The following MFGE8 variants were observed in gnomAD, a reference collection of about 807,000 sequenced individuals.
The protein encoded by MFGE8 is lactadherin.
A neutral mutation model predicts 42.6 loss-of-function variants in MFGE8; 34 were observed. The ratio of observed to expected loss-of-function variants is 0.80; its 90% confidence interval spans 0.61 to 1.06. The LOEUF is 1.06. MFGE8 is among the 50% of genes least tolerant of loss of function. The probability of loss-of-function intolerance (pLI) is 0.00; values close to 1 mark genes in which losing one functional copy is unlikely to be tolerated. For synonymous variants in MFGE8, 230 were observed against 214.8 expected (o/e 1.07, Z -0.62); for missense variants, 510 against 516.9 (o/e 0.99, Z 0.13).
At chr15:88,907,143 T>C in intron 3 of MFGE8, 52 bp downstream of exon 3, 1 of 1,572,280 alleles carries the variant, frequency 6.4e-7, no homozygotes, top group South Asian at 1.2e-5. Flanking sequence ...TGCAGAAACA[T>C]TCATCGAGCC....
Position 88,906,884 on chromosome 15 carries a change from C to T in MFGE8, c.388-106G>A. On this transcript the variant is annotated intron_variant, in intron 3 of 7. Transcript: ENST00000268150. The surrounding 1 kb of genome is among the most constrained non-coding windows in gnomAD (Gnocchi z 4.2). ...TCCCCCACTGGGTGGGGGAACAACT[C>T]AAGCAAAACAGAGGAGGGGTAGCTG... 2 of 1,398,004 alleles carry T rather than the reference C, an allele frequency of 1.4e-6. No individual in the cohort carries two copies. The highest frequency in any genetic ancestry group is 2.0e-6 in the Non-Finnish European group (2 of 993,818). 86.6% of individuals were successfully genotyped at this position (1,398,004 alleles called of 1,614,324 possible).
At chr15:88,909,690 GA>G in intron 2 of MFGE8, 101 bp downstream of exon 2, 4 of 1,568,782 alleles carry the variant, frequency 2.5e-6, no homozygotes, top group Non-Finnish European at 3.5e-6. Flanking sequence ...CTGGGGTGGG[GA>G]TCACAGGCAG....
rs145239424 is a variant in MFGE8 at position 88,905,432 on chromosome 15, G to A, written c.685+325C>T. 84 of 535,576 alleles carry A rather than the reference G, an allele frequency of 1.6e-4. 1 individual carries two copies. Among genetic ancestry groups the A allele is most frequent in the African/African-American group, 1.3e-3 (68 of 53,234 alleles). The allele number at this position is 535,576 out of a possible 1,614,324, so 33.2% of individuals were successfully genotyped here. A position where few individuals can be genotyped will look rare whatever the true frequency, so the allele number is the denominator to read the frequency against. ...ACAGATTCTCTGCCCTCGTAAAGCT[G>A]ACATCTGCCAAACACACCTAACGCT... is the stretch of plus-strand genomic sequence containing the variant. On this transcript the variant is annotated intron_variant, in intron 5 of 7. Transcript: ENST00000268150. The surrounding 1 kb of genome is among the most constrained non-coding windows in gnomAD (Gnocchi z 6.6).
Position 88,899,308 on chromosome 15 carries a change from C to T in MFGE8, c.*87G>A. 1 of 1,580,494 alleles carries T rather than the reference C, an allele frequency of 6.3e-7. No individual in the cohort carries two copies. Among genetic ancestry groups the T allele is most frequent in the Non-Finnish European group, 8.6e-7 (1 of 1,161,996 alleles). On this transcript the variant is annotated 3_prime_UTR_variant, in exon 8 of 8. Coordinates refer to ENST00000268150, the MANE Select transcript of MFGE8 (RefSeq NM_005928.4). This position sits in a 1 kb window ranked among gnomAD's most constrained non-coding sequence, Gnocchi z 6.8. ...GAACACCCTCCCCTTCCCCAGTCCC[C>T]AGCCCTATGGTGATTTAAAGGGGCT...
chr15:88,905,976 C>G lies in MFGE8; in HGVS notation c.541-75G>C. On this transcript the variant is annotated intron_variant, in intron 4 of 7. Transcript: ENST00000268150. This position sits in a 1 kb window ranked among gnomAD's most constrained non-coding sequence, Gnocchi z 6.6. ...CCCTCCCTGGGGTTACCTCATCTTC[C>G]TCTTCAGACCTGGGAGGCAGAGGTG... 6.4e-7 allele frequency: 1 copy of G among 1,565,746 alleles called. No individual in the cohort carries two copies. The highest frequency in any genetic ancestry group is 8.8e-7 in the Non-Finnish European group (1 of 1,137,582).
At chr15:88,910,603 C>G (rs1195418530) in intron 1 of MFGE8, 1 of 154,486 alleles carries the variant, frequency 6.5e-6, no homozygotes, top group Non-Finnish European at 1.4e-5. Context: ...TGGACCGTCA[C>G]TGGAGGCATG....
At position 88,908,903 on chromosome 15, in the gene MFGE8, C is replaced by G. The variant is rs73468185; in HGVS notation, c.205+889G>C. Among the ~76,000 whole-genome samples the G allele has an allele frequency of 4.1e-3, 632 of 152,322 alleles. 4 individuals carry two copies. Among genetic ancestry groups the G allele is most frequent in the African/African-American group, 0.015 (609 of 41,574 alleles). On this transcript the variant is annotated intron_variant, in intron 2 of 7. Coordinates refer to ENST00000268150, the MANE Select transcript of MFGE8 (RefSeq NM_005928.4). ...CCCAGCTGGCTCAAGCCCCCCGCCC[C>G]CTCCTTCTGGAGGCCAGCAAACCTC...
intron 1 of MFGE8, chr15:88,910,248 GA>G: frequency 2.7e-6 from 1 of 370,628 alleles, no homozygotes; most frequent in South Asian, 2.1e-5. Context: ...GGGGTCTGGA[GA>G]GGCAGGCAAG....
chr15:88,912,865 T>C, intron 1 of MFGE8: 2 of 985,394 alleles, frequency 2.0e-6, no homozygotes, highest in Non-Finnish European at 2.4e-6. Flanking sequence ...ACAAGACTTA[T>C]CCATACTAGA....
rs1415258674 is a variant in MFGE8 at position 88,905,597 on chromosome 15, G to T, written c.685+160C>A. 2 of 930,420 alleles carry T rather than the reference G, an allele frequency of 2.1e-6. No individual in the cohort carries two copies. The highest frequency in any genetic ancestry group is 3.4e-6 in the Non-Finnish European group (2 of 591,584). 57.6% of individuals were successfully genotyped at this position (930,420 alleles called of 1,614,324 possible). A position where few individuals can be genotyped will look rare whatever the true frequency, so the allele number is the denominator to read the frequency against. On this transcript the variant is annotated intron_variant, in intron 5 of 7. Coordinates refer to ENST00000268150, the MANE Select transcript of MFGE8 (RefSeq NM_005928.4). The surrounding 1 kb of genome is among the most constrained non-coding windows in gnomAD (Gnocchi z 6.6). ...CAAACACCTGGGTGGGGCTGCTATG[G>T]CCAGGTGACCCCCTAGAGTGCGTTG...
rs745946200 is a variant in MFGE8 at position 88,907,252 on chromosome 15, G to A, written c.330C>T (p.Arg110=). 25 of 1,614,000 alleles carry A rather than the reference G, an allele frequency of 1.5e-5. No individual in the cohort carries two copies. Among genetic ancestry groups the A allele is most frequent in the Middle Eastern group, 1.6e-4 (1 of 6,084 alleles). The change falls in exon 3 of 8, where the codon CGC becomes CGT. Residue 110 remains arginine, a synonymous_variant. Coordinates refer to ENST00000268150, the MANE Select transcript of MFGE8 (RefSeq NM_005928.4). Reference sequence around the variant, plus strand: ...GTGTCCAGGCATTGACCATGCCTGCGCGGTTCAGGCGGGCCAGCTCCGGGA... The same window carrying A: ...GTGTCCAGGCATTGACCATGCCTGCACGGTTCAGGCGGGCCAGCTCCGGGA... ...HWVPELARLN[R]AGMVNAWTPS...
chr15:88,909,740 T>C lies in MFGE8; in HGVS notation c.205+52A>G, dbSNP rs1898866832. On this transcript the variant is annotated intron_variant, in intron 2 of 7. Coordinates refer to ENST00000268150, the MANE Select transcript of MFGE8 (RefSeq NM_005928.4). Reference sequence around the variant, plus strand: ...CATATGGCCTATGCCACCAGGGCTGTGGCTCAGGGTCTACTGCTAGAAACA... The same window carrying C: ...CATATGGCCTATGCCACCAGGGCTGCGGCTCAGGGTCTACTGCTAGAAACA... 2.5e-6 allele frequency: 4 copies of C among 1,611,846 alleles called. No homozygotes were observed. The African/African-American group carries it at 4.0e-5, about 16-fold the overall frequency.
Position 88,901,269 on chromosome 15 carries a change from A to C in MFGE8, c.870+282T>G. On this transcript the variant is annotated intron_variant, in intron 6 of 7. Transcript: ENST00000268150. ...CACACGCACGCATTCACACGCACGC[A>C]TTCACACACACTCACATTCACACAC... Among the ~76,000 whole-genome samples, 2 of 122,060 alleles carry C rather than the reference A, an allele frequency of 1.6e-5. 1 individual carries two copies. The highest frequency in any genetic ancestry group is 3.9e-5 in the Non-Finnish European group (2 of 51,756). 80.1% of individuals were successfully genotyped at this position (122,060 alleles called of 152,430 possible). A position where few individuals can be genotyped will look rare whatever the true frequency, so the allele number is the denominator to read the frequency against.
rs1049890917 is a variant in MFGE8, at chr15:88,899,281, C to T, written c.*114G>A. ...GGGTGACTGTGTGGTGGTGCTGCCT[C>T]TGAACACCCTCCCCTTCCCCAGTCC... On this transcript the variant is annotated 3_prime_UTR_variant, in exon 8 of 8. Transcript: ENST00000268150. This position sits in a 1 kb window ranked among gnomAD's most constrained non-coding sequence, Gnocchi z 6.8. The T allele has an allele frequency of 1.4e-6, 2 of 1,451,428 alleles. No individual in the cohort carries two copies. Among genetic ancestry groups the T allele is most frequent in the African/African-American group, 1.4e-5 (1 of 71,632 alleles). The allele number at this position is 1,451,428 out of a possible 1,614,324, so 89.9% of individuals were successfully genotyped here.
At chr15:88,907,556 C>T (rs1360255861) in intron 2 of MFGE8, among the ~76,000 whole-genome samples, 180 bp from the exon 3 acceptor site, 2 of 152,092 alleles carry the variant, frequency 1.3e-5, no homozygotes, top group East Asian at 3.9e-4. Context: ...GTGCCCAGGA[C>T]GAGGTGCCAA....
Position 88,905,650 on chromosome 15 carries a change from T to C in MFGE8, c.685+107A>G. 11 of 1,500,092 alleles carry C rather than the reference T, an allele frequency of 7.3e-6. No homozygotes were observed. The highest frequency in any genetic ancestry group is 1.0e-5 in the Non-Finnish European group (11 of 1,086,410). The allele number at this position is 1,500,092 out of a possible 1,614,324, so 92.9% of individuals were successfully genotyped here. On this transcript the variant is annotated intron_variant, in intron 5 of 7. Coordinates refer to ENST00000268150, the MANE Select transcript of MFGE8 (RefSeq NM_005928.4). The surrounding 1 kb of genome is among the most constrained non-coding windows in gnomAD (Gnocchi z 6.6). ...CGAGTGAAGCCTGGTCCCCGTGCCTTGTTGCTGCCCTACCTAGCTCAGTTT... is the reference window on the plus strand; with the variant it reads ...CGAGTGAAGCCTGGTCCCCGTGCCTCGTTGCTGCCCTACCTAGCTCAGTTT...
intron 1 of MFGE8, chr15:88,910,245 G>A: frequency 2.7e-6 from 1 of 370,986 alleles, no homozygotes; most frequent in Non-Finnish European, 5.2e-6. Flanking sequence ...GCTGGGGTCT[G>A]GAGAGGCAGG....
Position 88,899,875 on chromosome 15 carries a change from G to C in MFGE8, c.871-64C>G. On this transcript the variant is annotated intron_variant, in intron 6 of 7. Coordinates refer to ENST00000268150, the MANE Select transcript of MFGE8 (RefSeq NM_005928.4). This position sits in a 1 kb window ranked among gnomAD's most constrained non-coding sequence, Gnocchi z 6.8. Reference sequence around the variant, plus strand: ...ATCTCCAGTAAGGTGAAAAGAGGCAGACACACTGAGGCATGAATTCTAGTT... The same window carrying C: ...ATCTCCAGTAAGGTGAAAAGAGGCACACACACTGAGGCATGAATTCTAGTT... 1 of 1,586,468 alleles carries C rather than the reference G, an allele frequency of 6.3e-7. No homozygotes were observed. The highest frequency in any genetic ancestry group is 1.3e-5 in the African/African-American group (1 of 74,506).
chr15:88,901,881 T>G (rs1425577934), intron 5 of MFGE8, 146 bp from the exon 6 acceptor site: 2 of 787,798 alleles, frequency 2.5e-6, no homozygotes, highest in Admixed American at 4.0e-5. Flanking sequence ...CCATCCGCCT[T>G]GCAGGGCCAA....
Sources: allele counts gnomAD v4.1 joint callset (sites outside exome capture counted in the v4.1 genomes callset), GRCh38; gene constraint gnomAD v4.1.1; non-coding constraint Gnocchi (gnomAD v3.1); transcripts MANE v1.5; gene names NCBI Gene and HGNC (gene_info 2026-07-23, HGNC 2026-07-21).